AHI1: variants seen among roughly 807,000 people sequenced by gnomAD.
The protein encoded by AHI1 is jouberin.
AHI1 carries 123 observed loss-of-function variants against 149.3 expected under a neutral mutation model. That is an observed-to-expected ratio of 0.82 (90% CI 0.71 to 0.96). The LOEUF is 0.96. Among genes scored for constraint, AHI1 ranks in the 40% least tolerant of loss-of-function variants. AHI1 has a pLI of 0.00. For missense variants in AHI1, 1,439 were observed against 1,422.7 expected (o/e 1.01, Z -0.18); for synonymous variants, 475 against 459.8 (o/e 1.03, Z -0.42).
intron 23 of AHI1, among the ~76,000 whole-genome samples, chr6:135,376,836 C>T (rs896644352): frequency 3.3e-5 from 4 of 122,424 alleles, no homozygotes; most frequent in Non-Finnish European, 6.3e-5. Context: ...GAGCTGAGAT[C>T]GCATCATTGC....
intron 10 of AHI1, 35 bp from the exon 11 acceptor site, chr6:135,453,471 A>C: frequency 7.2e-7 from 1 of 1,397,838 alleles, no homozygotes; most frequent in Non-Finnish European, 9.8e-7. Flanking sequence ...AAGCTACCTA[A>C]AATTTAATAT....
chr6:135,391,105 C>G (rs965674872), intron 23 of AHI1, among the ~76,000 whole-genome samples: 1 of 152,102 alleles, frequency 6.6e-6, no homozygotes, highest in Non-Finnish European at 1.5e-5. Context: ...GCTTAATGAA[C>G]AGTTCCTAAA....
chr6:135,293,586 C>A (rs1218530684), intron 27 of AHI1, among the ~76,000 whole-genome samples: 1 of 116,520 alleles, frequency 8.6e-6, no homozygotes, highest in Non-Finnish European at 1.6e-5. Flanking sequence ...GATCAACATA[C>A]AATAATCAGT....
chr6:135,306,399 T>C (rs1307769097), intron 26 of AHI1, among the ~76,000 whole-genome samples: 1 of 152,002 alleles, frequency 6.6e-6, no homozygotes, highest in Non-Finnish European at 1.5e-5. Context: ...TGTGAGGGGA[T>C]TCATATTATA....
In AHI1 at chr6:135,418,202, T is replaced by G. The variant is rs1174757134; in HGVS notation, c.2765-6658A>C. On this transcript the variant is annotated intron_variant, in intron 20 of 28. Coordinates refer to ENST00000265602, the MANE Select transcript of AHI1 (RefSeq NM_001134831.2). ...CCATGCACTAAGCAGATTCTGGGAA[T>G]ACAGACACTGGCCCCACTTGAGGTT... 2.0e-5 allele frequency among the ~76,000 whole-genome samples: 3 copies of G among 152,072 alleles called. No homozygotes were observed. The East Asian group carries it at 5.8e-4, about 29-fold the overall frequency.
intron 16 of AHI1, 90 bp downstream of exon 16, chr6:135,432,937 G>T: frequency 2.1e-6 from 2 of 944,842 alleles, no homozygotes; most frequent in South Asian, 1.4e-5. Context: ...GCAATCATCA[G>T]TACATAACCC....
chr6:135,313,745 A>G (rs1319260978), intron 26 of AHI1, among the ~76,000 whole-genome samples: 2 of 152,230 alleles, frequency 1.3e-5, no homozygotes, highest in Non-Finnish European at 2.9e-5. Context: ...GTCCCTATCC[A>G]TAAGAACACA....
intron 3 of AHI1, 73 bp from the exon 4 acceptor site, chr6:135,492,364 G>T: frequency 6.9e-7 from 1 of 1,442,966 alleles, no homozygotes; most frequent in Non-Finnish European, 9.2e-7. Flanking sequence ...CTTCACACAA[G>T]ATCATGCCAT....
At chr6:135,290,360 A>G in intron 28 of AHI1, 63 bp downstream of exon 28, 2 of 997,350 alleles carry the variant, frequency 2.0e-6, no homozygotes, top group East Asian at 2.4e-5. Flanking sequence ...CTTGCTGACC[A>G]TGCTTTCCTA....
At chr6:135,320,175 C>A (rs1406307557) in intron 25 of AHI1, among the ~76,000 whole-genome samples, 1 of 151,888 alleles carries the variant, frequency 6.6e-6, no homozygotes, top group Non-Finnish European at 1.5e-5. Context: ...GAAATAACCC[C>A]TAATGAAGTG....
intron 24 of AHI1, among the ~76,000 whole-genome samples, chr6:135,344,630 CTCCCTCCCTTCCTTTCTTCCTTCCTTCT>C (rs1790894301): frequency 6.7e-6 from 1 of 150,044 alleles, no homozygotes; most frequent in African/African-American, 2.4e-5. Context: ...CCCTCCCTTC[CTCCCTCCCTTCCTTTCTTCCTTCCTTCT>C]TCCCTCCCTC....
chr6:135,412,088 T>C (rs961022484), intron 20 of AHI1, among the ~76,000 whole-genome samples: 19 of 152,150 alleles, frequency 1.2e-4, no homozygotes, highest in Non-Finnish European at 2.2e-4. Context: ...TTTTTACACA[T>C]TCTCTTATAC....
chr6:135,321,902 C>T (rs551070872), intron 25 of AHI1, among the ~76,000 whole-genome samples: 155 of 152,108 alleles, frequency 1.0e-3, no homozygotes, highest in African/African-American at 3.6e-3. Flanking sequence ...CCCGGGTTCA[C>T]GCGATTCTCC....
chr6:135,435,077 T>C (rs955408389), intron 15 of AHI1: 1 of 152,208 alleles, frequency 6.6e-6, no homozygotes, highest in Non-Finnish European at 1.5e-5. Flanking sequence ...CAGAAATTCA[T>C]ACTTCTGCCA....
At chr6:135,414,523 C>A (rs1371239965) in intron 20 of AHI1, among the ~76,000 whole-genome samples, 1 of 152,066 alleles carries the variant, frequency 6.6e-6, no homozygotes, top group Non-Finnish European at 1.5e-5. Flanking sequence ...GAAATACCTG[C>A]AAATCATATG....
At chr6:135,382,907 AAAAAAAAAAAAAAAAAAAAAT>A (rs1409887435) in intron 23 of AHI1, among the ~76,000 whole-genome samples, 8 of 96,958 alleles carry the variant, frequency 8.3e-5, no homozygotes, top group African/African-American at 3.2e-4. Context: ...AAAAAAAAAA[AAAAAAAAAAAAAAAAAAAAAT>A]ATATATATAT....
At chr6:135,448,057 T>C (rs1020504449) in intron 12 of AHI1, among the ~76,000 whole-genome samples, 105 of 152,330 alleles carry the variant, frequency 6.9e-4, no homozygotes, top group African/African-American at 2.3e-3. Flanking sequence ...TCTTTAATTT[T>C]TGAAAATCAA....
intron 5 of AHI1, among the ~76,000 whole-genome samples, chr6:135,476,224 T>C (rs1792607750): frequency 6.6e-6 from 1 of 152,182 alleles, no homozygotes; most frequent in Admixed American, 6.5e-5. Context: ...ATCTGGGGTC[T>C]TATTGAACTT....
intron 10 of AHI1, among the ~76,000 whole-genome samples, chr6:135,455,289 T>G (rs1470645609): frequency 6.6e-6 from 1 of 152,222 alleles, no homozygotes; most frequent in Non-Finnish European, 1.5e-5. Flanking sequence ...ATATAAGTTC[T>G]ACATCATTTT....
Sources: allele counts gnomAD v4.1 joint callset (sites outside exome capture counted in the v4.1 genomes callset), GRCh38; gene constraint gnomAD v4.1.1; transcripts MANE v1.5; gene names NCBI Gene and HGNC (gene_info 2026-07-23, HGNC 2026-07-21).